SLIT2: variants seen among roughly 807,000 people sequenced by gnomAD.
SLIT2 encodes slit homolog 2 protein.
Under a neutral mutation model 185.7 loss-of-function variants are expected in SLIT2, and 41 were observed. The ratio of observed to expected loss-of-function variants is 0.22; its 90% CI spans 0.17 to 0.29. The LOEUF (loss-of-function observed/expected upper bound fraction) is 0.29, where lower values mean the gene tolerates loss of function less well. SLIT2 is among the 10% of genes least tolerant of loss of function. The pLI is 1.00. For missense variants in SLIT2, 1,571 were observed against 1,909.0 expected (o/e 0.82, Z 3.30); for synonymous variants, 693 against 680.2 (o/e 1.02, Z -0.29).
intron 33 of SLIT2, among the ~76,000 whole-genome samples, chr4:20,606,301 C>A (rs955807599): frequency 6.6e-6 from 1 of 152,006 alleles, no homozygotes; most frequent in African/African-American, 2.4e-5. Context: ...GGAAACATGG[C>A]AATACCCTAT....
intron 4 of SLIT2, among the ~76,000 whole-genome samples, chr4:20,452,280 T>A (rs1022337890): frequency 1.3e-5 from 2 of 152,214 alleles, no homozygotes; most frequent in Admixed American, 1.3e-4. Flanking sequence ...CTATACTTGT[T>A]AAATGCTTGG....
At chr4:20,327,394 A>G (rs532712799) in intron 4 of SLIT2, among the ~76,000 whole-genome samples, 49 of 152,108 alleles carry the variant, frequency 3.2e-4, no homozygotes, top group Non-Finnish European at 5.7e-4. Context: ...ATCAATTGCT[A>G]GGATGGGGAA....
At chr4:20,410,271 C>CA (rs1220086211) in intron 4 of SLIT2, among the ~76,000 whole-genome samples, 3 of 88,222 alleles carry the variant, frequency 3.4e-5, no homozygotes, top group Non-Finnish European at 6.2e-5. Flanking sequence ...TTTTTTGAGA[C>CA]AGAGTCTTGC....
rs756093348 is a variant in SLIT2, at chr4:20,528,125, C to T, written c.1463-824C>T. 3.3e-5 allele frequency: 13 copies of T among 394,128 alleles called. No individual in the cohort carries two copies. The highest frequency in any genetic ancestry group is 3.9e-4 in the Middle Eastern group (1 of 2,554). The allele number at this position is 394,128 out of a possible 1,614,324, so 24.4% of individuals were successfully genotyped here. ...CTTCTTTGTGTTTCCAGGAAATCATCGGTAGTAATACTCTTACTGTGGTCA... is the reference window on the plus strand; with the variant it reads ...CTTCTTTGTGTTTCCAGGAAATCATTGGTAGTAATACTCTTACTGTGGTCA... On this transcript the variant is annotated intron_variant, in intron 15 of 36. Coordinates refer to ENST00000504154, the MANE Select transcript of SLIT2 (RefSeq NM_004787.4). This position sits in a 1 kb window ranked among gnomAD's most constrained non-coding sequence, Gnocchi z 4.2.
chr4:20,413,826 G>A (rs1488991431), intron 4 of SLIT2, among the ~76,000 whole-genome samples: 1 of 151,708 alleles, frequency 6.6e-6, no homozygotes, highest in Admixed American at 6.6e-5. Flanking sequence ...ATCTTTATAT[G>A]GCATCTAGGT....
At chr4:20,267,311 A>G (rs1231424948) in intron 3 of SLIT2, among the ~76,000 whole-genome samples, 7 of 151,926 alleles carry the variant, frequency 4.6e-5, no homozygotes, top group African/African-American at 1.7e-4. Flanking sequence ...TGTAAGTGGG[A>G]AGTAAATTCA....
chr4:20,499,672 T>G (rs888082340), intron 9 of SLIT2, among the ~76,000 whole-genome samples: 2 of 152,050 alleles, frequency 1.3e-5, no homozygotes, highest in African/African-American at 4.8e-5. Flanking sequence ...GTATTTTTAG[T>G]AGAGATGGGG....
chr4:20,291,904 CTGTGTG>C (rs35335088), intron 4 of SLIT2, among the ~76,000 whole-genome samples: 29,161 of 146,740 alleles, frequency 0.2, 2,898 homozygotes, highest in African/African-American at 0.25. Flanking sequence ...CTGCACACCT[CTGTGTG>C]TGTGTGTGTG....
At chr4:20,447,200 T>C (rs1051688148) in intron 4 of SLIT2, among the ~76,000 whole-genome samples, 1 of 152,198 alleles carries the variant, frequency 6.6e-6, no homozygotes, top group African/African-American at 2.4e-5. Flanking sequence ...CAATTAATAA[T>C]GAAAACCCCT....
Position 20,619,366 on chromosome 4 carries a change from A to T in SLIT2, c.*357A>T, listed in dbSNP as rs1270089057. ...GCACTGCTGTGAAATTGCCCAGAGC[A>T]TAAAACCTGTGTACCCTCCTTCACA... On this transcript the variant is annotated 3_prime_UTR_variant, in exon 37 of 37. Coordinates refer to ENST00000504154, the MANE Select transcript of SLIT2 (RefSeq NM_004787.4). 1.2e-5 allele frequency: 2 copies of T among 168,788 alleles called. No individual in the cohort carries two copies. Among genetic ancestry groups the T allele is most frequent in the Non-Finnish European group, 2.6e-5 (2 of 78,326 alleles). The allele number at this position is 168,788 out of a possible 1,614,324, so 10.5% of individuals were successfully genotyped here. A position where few individuals can be genotyped will look rare whatever the true frequency, so the allele number is the denominator to read the frequency against.
intron 4 of SLIT2, among the ~76,000 whole-genome samples, chr4:20,321,841 A>G (rs755904723): frequency 3.1e-4 from 47 of 152,132 alleles, no homozygotes; most frequent in Middle Eastern, 3.2e-3. Context: ...TCATGTTTAA[A>G]CTTTATCAGT....
At chr4:20,472,987 A>T (rs1715722963) in intron 5 of SLIT2, among the ~76,000 whole-genome samples, 1 of 151,852 alleles carries the variant, frequency 6.6e-6, no homozygotes, top group Non-Finnish European at 1.5e-5. Flanking sequence ...GTTTTTAGTC[A>T]CATCACAAAA....
At chr4:20,509,588 C>T (rs1719520359) in intron 9 of SLIT2, among the ~76,000 whole-genome samples, 1 of 152,106 alleles carries the variant, frequency 6.6e-6, no homozygotes, top group Non-Finnish European at 1.5e-5. Context: ...TCACTGGAGT[C>T]AGCTCTTTGG....
intron 26 of SLIT2, among the ~76,000 whole-genome samples, chr4:20,559,342 A>C (rs757836095): frequency 6.6e-6 from 1 of 152,004 alleles, no homozygotes; most frequent in Non-Finnish European, 1.5e-5. Flanking sequence ...GACTCAATCA[A>C]TATAGTTGCA....
At chr4:20,452,046 T>C (rs1712531758) in intron 4 of SLIT2, among the ~76,000 whole-genome samples, 2 of 152,246 alleles carry the variant, frequency 1.3e-5, no homozygotes, top group East Asian at 1.9e-4. Context: ...CAAGGTAGAA[T>C]TGATGAGATG....
chr4:20,263,432 C>T (rs1482970845), intron 3 of SLIT2, among the ~76,000 whole-genome samples: 2 of 151,752 alleles, frequency 1.3e-5, no homozygotes, highest in African/African-American at 4.8e-5. Flanking sequence ...TGGCTCTTTG[C>T]TGCAGTTTGA....
intron 4 of SLIT2, among the ~76,000 whole-genome samples, chr4:20,402,477 T>C (rs1318151731): frequency 2.0e-5 from 3 of 151,914 alleles, no homozygotes; most frequent in African/African-American, 7.2e-5. Context: ...ATATTTATTG[T>C]TGTAGTACTT....
intron 30 of SLIT2, among the ~76,000 whole-genome samples, chr4:20,594,142 T>TACAC (rs1377240315): frequency 1.4e-5 from 2 of 147,388 alleles, no homozygotes; most frequent in Non-Finnish European, 3.0e-5. Context: ...TATACATATA[T>TACAC]ACACACATAC....
intron 11 of SLIT2, among the ~76,000 whole-genome samples, chr4:20,517,097 A>G (rs1289894644): frequency 6.6e-6 from 1 of 152,210 alleles, no homozygotes; most frequent in South Asian, 2.1e-4. Context: ...CTTGATACTC[A>G]TGCAGGTCCT....
Sources: gnomAD v4.1 joint callset for allele counts (sites outside exome capture counted in the v4.1 genomes callset) on GRCh38, gnomAD v4.1.1 for gene constraint, Gnocchi (gnomAD v3.1) non-coding constraint, MANE v1.5 for transcripts, NCBI Gene and HGNC (gene_info 2026-07-23, HGNC 2026-07-21) for gene names.